BRD7: variants seen among roughly 807,000 people sequenced by gnomAD.
BRD7 encodes bromodomain-containing protein 7.
Under a neutral mutation model 82.1 loss-of-function variants are expected in BRD7, and 15 were observed. That is an observed-to-expected ratio of 0.18 (90% CI 0.12 to 0.28). BRD7 has a LOEUF of 0.28. BRD7 is among the 10% of genes least tolerant of loss of function. The probability of loss-of-function intolerance (pLI) is 1.00; values close to 1 mark genes in which losing one functional copy is unlikely to be tolerated. For missense variants in BRD7, 638 were observed against 779.9 expected (o/e 0.82, Z 2.17); for synonymous variants, 232 against 266.9 (o/e 0.87, Z 1.27).
intron 5 of BRD7, among the ~76,000 whole-genome samples, chr16:50,345,517 G>A (rs922047385): frequency 2.6e-5 from 4 of 152,078 alleles, no homozygotes; most frequent in African/African-American, 7.3e-5. Context: ...CTGTATTCAG[G>A]AAACCCATCT....
chr16:50,363,125 T>C (rs2038993618), intron 2 of BRD7, among the ~76,000 whole-genome samples: 1 of 152,390 alleles, frequency 6.6e-6, no homozygotes, highest in South Asian at 2.1e-4. Flanking sequence ...TATGGTTATT[T>C]CCTCTACTGT....
At chr16:50,359,312 T>A (rs2038854757) in intron 2 of BRD7, among the ~76,000 whole-genome samples, 1 of 152,250 alleles carries the variant, frequency 6.6e-6, no homozygotes. Flanking sequence ...GTGTCATGGA[T>A]AAACTATATA....
intron 12 of BRD7, among the ~76,000 whole-genome samples, chr16:50,322,514 A>G (rs2037162987): frequency 1.3e-5 from 2 of 152,210 alleles, no homozygotes; most frequent in South Asian, 2.1e-4. Flanking sequence ...AGAGACAAAT[A>G]TATCATGGAC....
Position 50,328,689 on chromosome 16 carries a change from G to A in BRD7, c.1067C>T (p.Pro356Leu), listed in dbSNP as rs1219745774. ...DGTTTLGLLHPVDPIVGEPGY... is the reference protein window; with the variant it reads ...DGTTTLGLLHLVDPIVGEPGY... ...CCTACCTCCTACAATGGGATCCACAGGATGGAGAAGTCCCAACGTCGTTGT... is the reference window on the plus strand; with the variant it reads ...CCTACCTCCTACAATGGGATCCACAAGATGGAGAAGTCCCAACGTCGTTGT... Residue 356 changes from proline to leucine, a missense_variant, in exon 9 of 17, where the codon CCT becomes CTT. Pro to Leu is a moderately conservative substitution (Grantham distance 98). Transcript: ENST00000394688. The A allele has an allele frequency of 1.2e-6, 2 of 1,613,800 alleles. No homozygotes were observed. Among genetic ancestry groups the A allele is most frequent in the African/African-American group, 2.7e-5 (2 of 74,928 alleles).
intron 4 of BRD7, among the ~76,000 whole-genome samples, chr16:50,350,369 C>T (rs2038467575): frequency 6.6e-6 from 1 of 152,116 alleles, no homozygotes; most frequent in South Asian, 2.1e-4. Flanking sequence ...ACTAGCTGTA[C>T]CCTCAGGATG....
At chr16:50,338,030 A>C (rs928501564) in intron 6 of BRD7, among the ~76,000 whole-genome samples, 1 of 152,192 alleles carries the variant, frequency 6.6e-6, no homozygotes, top group African/African-American at 2.4e-5. Flanking sequence ...TACATTACTT[A>C]AGGAAGTGGT....
intron 13 of BRD7, among the ~76,000 whole-genome samples, chr16:50,321,303 G>A (rs569564980): frequency 6.6e-6 from 1 of 152,310 alleles, no homozygotes; most frequent in African/African-American, 2.4e-5. Context: ...GCTCATGCCT[G>A]TAATCCCAGG....
rs573455814 is a variant in BRD7, at chr16:50,347,974, C to A, written c.591+2049G>T. Among the ~76,000 whole-genome samples the A allele has an allele frequency of 5.9e-5, 9 of 152,238 alleles. No homozygotes were observed. The South Asian group carries it at 1.9e-3, about 32-fold the overall frequency. On this transcript the variant is annotated intron_variant, in intron 5 of 16. Transcript: ENST00000394688. Reference sequence around the variant, plus strand: ...CCAAGTCAATCCTAAGCCAAAAGAACAAAGCTGGAGGCATCACACTACCTG... The same window carrying A: ...CCAAGTCAATCCTAAGCCAAAAGAAAAAAGCTGGAGGCATCACACTACCTG...
At chr16:50,338,864 T>C (rs1763416144) in intron 6 of BRD7, among the ~76,000 whole-genome samples, 1 of 152,236 alleles carries the variant, frequency 6.6e-6, no homozygotes, top group Non-Finnish European at 1.5e-5. Context: ...TGGTATGGTA[T>C]GGTGCCAGGA....
chr16:50,338,278 C>G (rs985612030), intron 6 of BRD7, among the ~76,000 whole-genome samples: 3 of 152,176 alleles, frequency 2.0e-5, no homozygotes, highest in Non-Finnish European at 2.9e-5. Context: ...AGATGGGTAA[C>G]TGGCTTCCAT....
At chr16:50,342,009 T>C (rs1288899386) in intron 5 of BRD7, among the ~76,000 whole-genome samples, 3 of 151,708 alleles carry the variant, frequency 2.0e-5, no homozygotes, top group African/African-American at 7.3e-5. Context: ...AATATTACTT[T>C]AGGCCGTTGA....
chr16:50,340,651 A>G (rs938983629), intron 5 of BRD7, among the ~76,000 whole-genome samples: 1 of 152,246 alleles, frequency 6.6e-6, no homozygotes, highest in African/African-American at 2.4e-5. Flanking sequence ...ATACTATCAT[A>G]AACTAAACAT....
At chr16:50,346,967 T>C (rs1354739013) in intron 5 of BRD7, among the ~76,000 whole-genome samples, 1 of 152,138 alleles carries the variant, frequency 6.6e-6, no homozygotes, top group Non-Finnish European at 1.5e-5. Flanking sequence ...AAAAAGAGAA[T>C]TTTAGACCAA....
intron 16 of BRD7, 65 bp from the exon 17 acceptor site, chr16:50,319,331 A>T: frequency 6.6e-7 from 1 of 1,515,488 alleles, no homozygotes; most frequent in Non-Finnish European, 9.1e-7. Flanking sequence ...AGGGGACATG[A>T]AAGTCAAGCT....
At chr16:50,334,353 G>T (rs563431763) in intron 7 of BRD7, among the ~76,000 whole-genome samples, 1 of 152,322 alleles carries the variant, frequency 6.6e-6, no homozygotes, top group African/African-American at 2.4e-5. Flanking sequence ...TGCTCCCACT[G>T]AACTCCTTGC....
intron 16 of BRD7, 124 bp from the exon 17 acceptor site, chr16:50,319,390 G>T: frequency 1.3e-6 from 1 of 789,216 alleles, no homozygotes; most frequent in Non-Finnish European, 2.1e-6. Context: ...CACATCCAAG[G>T]CTGAAGACTA....
chr16:50,342,191 A>C (rs1198451062), intron 5 of BRD7, among the ~76,000 whole-genome samples: 1 of 151,930 alleles, frequency 6.6e-6, no homozygotes, highest in South Asian at 2.1e-4. Flanking sequence ...AACAAAAAAC[A>C]AAAAACTGTG....
intron 15 of BRD7, 80 bp downstream of exon 15, chr16:50,320,168 T>C: frequency 1.3e-6 from 2 of 1,538,890 alleles, no homozygotes; most frequent in Non-Finnish European, 1.8e-6. Context: ...CATTACTCTA[T>C]AGTGGCATCA....
At chr16:50,325,431 T>C (rs1236404243) in intron 11 of BRD7, among the ~76,000 whole-genome samples, 2 of 152,188 alleles carry the variant, frequency 1.3e-5, no homozygotes, top group East Asian at 3.8e-4. Flanking sequence ...ACACACAACA[T>C]GTTATAAGAC....
Sources: gnomAD v4.1 joint callset for allele counts (sites outside exome capture counted in the v4.1 genomes callset) on GRCh38, gnomAD v4.1.1 for gene constraint, MANE v1.5 for transcripts, NCBI Gene and HGNC (gene_info 2026-07-23, HGNC 2026-07-21) for gene names.